The following HSPA12A variants were observed in gnomAD, a reference collection of about 807,000 sequenced individuals.
The protein encoded by HSPA12A is heat shock 70 kDa protein 12A.
In HSPA12A, 28 loss-of-function variants were observed where a neutral mutation model predicts 69.2. That is an observed-to-expected ratio of 0.40 (90% CI 0.30 to 0.55). The LOEUF is 0.55. Ranked by LOEUF, HSPA12A falls within the 20% of genes least tolerant of loss-of-function variation. HSPA12A has a pLI of 0.38. For synonymous variants in HSPA12A, 345 were observed against 370.5 expected, an observed-to-expected ratio of 0.93 and a Z score of 0.79; for missense variants, 686 against 900.7, an observed-to-expected ratio of 0.76 and a Z score of 3.05.
chr10:116,848,742 A>G (rs1845955958), intron 1 of HSPA12A, among the ~76,000 whole-genome samples: 1 of 152,158 alleles, frequency 6.6e-6, no homozygotes, highest in African/African-American at 2.4e-5. Flanking sequence ...AACGTGAGCC[A>G]AGGCCATTCC....
At chr10:116,716,121 C>G (rs570668175) in intron 1 of HSPA12A, among the ~76,000 whole-genome samples, 1 of 151,362 alleles carries the variant, frequency 6.6e-6, no homozygotes, top group Non-Finnish European at 1.5e-5. Flanking sequence ...ACTTTGTAGC[C>G]GCTCTGTGAA....
chr10:116,761,996 A>T (rs189122939), intron 2 of HSPA12A, among the ~76,000 whole-genome samples: 73 of 152,356 alleles, frequency 4.8e-4, no homozygotes, highest in Middle Eastern at 3.4e-3. Context: ...CTTTGAATGC[A>T]ACATTGTGCT....
intron 2 of HSPA12A, among the ~76,000 whole-genome samples, chr10:116,760,851 T>A (rs1417446686): frequency 6.6e-6 from 1 of 152,152 alleles, no homozygotes; most frequent in Middle Eastern, 3.2e-3. Flanking sequence ...TATTAAAGTA[T>A]AAGTGTAGGC....
At chr10:116,727,752 G>GCTT (rs370722813) in intron 1 of HSPA12A, among the ~76,000 whole-genome samples, 1 of 131,382 alleles carries the variant, frequency 7.6e-6, no homozygotes, top group Non-Finnish European at 1.6e-5. Flanking sequence ...ATGTAAGTGG[G>GCTT]TTTTTTTTTT....
At chr10:116,685,579 G>A (rs1306012825) in intron 6 of HSPA12A, among the ~76,000 whole-genome samples, 1 of 151,084 alleles carries the variant, frequency 6.6e-6, no homozygotes, top group African/African-American at 2.4e-5. Flanking sequence ...AGGTTGCAGT[G>A]AGCCGAGATG....
rs1554879561 is a variant in HSPA12A at position 116,686,693 on chromosome 10, G to A, written c.664-2731C>T. On this transcript the variant is annotated intron_variant, in intron 6 of 11. Transcript: ENST00000369209. This position sits in a 1 kb window ranked among gnomAD's most constrained non-coding sequence, Gnocchi z 4.1. ...GGCAGCAGGGACAGGGATGGGAAGG[G>A]AGAAAGGGTGGCATAAGCTCCGCCC... Among the ~76,000 whole-genome samples the A allele has an allele frequency of 6.6e-6, 1 of 152,078 alleles. No homozygotes were observed. Among genetic ancestry groups the A allele is most frequent in the East Asian group, 1.9e-4 (1 of 5,178 alleles).
chr10:116,811,369 T>C (rs913304360), intron 2 of HSPA12A, among the ~76,000 whole-genome samples: 4 of 152,148 alleles, frequency 2.6e-5, no homozygotes, highest in South Asian at 4.1e-4. Flanking sequence ...CTAAGATTCC[T>C]GGCCCCCAGG....
rs1849594079 is a variant in HSPA12A at position 116,686,981 on chromosome 10, A to T, written c.664-3019T>A. Among the ~76,000 whole-genome samples the T allele has an allele frequency of 6.6e-6, 1 of 152,166 alleles. No individual in the cohort carries two copies. The highest frequency in any genetic ancestry group is 1.5e-5 in the Non-Finnish European group (1 of 68,036). ...ACTCTGACTTAGATGGGAAATCTTT[A>T]TATGGAAATTCAGATCCAGCAGTCT... is the stretch of plus-strand genomic sequence containing the variant. On this transcript the variant is annotated intron_variant, in intron 6 of 11. Transcript: ENST00000369209. This position sits in a 1 kb window ranked among gnomAD's most constrained non-coding sequence, Gnocchi z 4.1.
chr10:116,756,316 C>T (rs913995371), intron 2 of HSPA12A, among the ~76,000 whole-genome samples: 4 of 152,232 alleles, frequency 2.6e-5, no homozygotes, highest in African/African-American at 2.4e-5. Context: ...TGCTCTTTCT[C>T]GAAAATGCAG....
intron 1 of HSPA12A, among the ~76,000 whole-genome samples, chr10:116,843,591 AG>A (rs531128925): frequency 1.3e-3 from 194 of 152,334 alleles, no homozygotes; most frequent in African/African-American, 4.2e-3. Context: ...TGGAAGAACC[AG>A]GGTTAGAACT....
intron 6 of HSPA12A, among the ~76,000 whole-genome samples, chr10:116,692,035 T>C (rs1488998571): frequency 2.0e-5 from 3 of 152,198 alleles, no homozygotes; most frequent in Non-Finnish European, 4.4e-5. Flanking sequence ...CACAGAGAAA[T>C]GTCTCTGAAC....
intron 8 of HSPA12A, 81 bp downstream of exon 8, chr10:116,681,710 G>A: frequency 7.7e-7 from 1 of 1,293,328 alleles, no homozygotes; most frequent in African/African-American, 1.5e-5. Flanking sequence ...TTCCAAAAGT[G>A]CAAAAGGGAC....
intron 2 of HSPA12A, among the ~76,000 whole-genome samples, chr10:116,805,284 C>G (rs1241263356): frequency 8.5e-5 from 13 of 152,146 alleles, no homozygotes; most frequent in Admixed American, 8.5e-4. Context: ...CCACTGCACT[C>G]CAGCCTGGGC....
intron 2 of HSPA12A, among the ~76,000 whole-genome samples, chr10:116,753,257 C>A (rs1331226400): frequency 6.6e-6 from 1 of 152,140 alleles, no homozygotes; most frequent in Non-Finnish European, 1.5e-5. Flanking sequence ...CCTGCGGGCT[C>A]AGACAGGCCT....
At chr10:116,762,443 T>C (rs1554889371) in intron 2 of HSPA12A, among the ~76,000 whole-genome samples, 1 of 152,112 alleles carries the variant, frequency 6.6e-6, no homozygotes, top group Non-Finnish European at 1.5e-5. Context: ...CAGGATGAAG[T>C]CACAATGGCC....
In HSPA12A at chr10:116,780,683, T is replaced by A. The variant is rs568453612; in HGVS notation, c.91+54252A>T. On this transcript the variant is annotated intron_variant, in intron 2 of 12. Transcript: ENST00000635765. ...TGTTAATACGATTATCAAATCCTTT[T>A]AAAAATTATGATGCGTGCTTCTTCA... Among the ~76,000 whole-genome samples, 102 of 152,322 alleles carry A rather than the reference T, an allele frequency of 6.7e-4. 2 individuals carry two copies. Among genetic ancestry groups the A allele is most frequent in the African/African-American group, 2.3e-3 (96 of 41,566 alleles).
chr10:116,758,453 G>C (rs1383004350), intron 2 of HSPA12A, among the ~76,000 whole-genome samples: 3 of 152,160 alleles, frequency 2.0e-5, no homozygotes, highest in African/African-American at 7.2e-5. Flanking sequence ...ACCCGGCCAG[G>C]AGGTGGCATG....
chr10:116,735,651 C>T (rs1851292571), intron 1 of HSPA12A, among the ~76,000 whole-genome samples: 1 of 152,096 alleles, frequency 6.6e-6, no homozygotes, highest in African/African-American at 2.4e-5. Flanking sequence ...ACAGGGAAGA[C>T]CACCAAAACA....
chr10:116,772,459 T>G (rs1479050893), intron 2 of HSPA12A, among the ~76,000 whole-genome samples: 53 of 152,236 alleles, frequency 3.5e-4, no homozygotes, highest in Admixed American at 3.4e-3. Flanking sequence ...AACTCAGAGC[T>G]CTGTCTCCAG....
Sources: gnomAD v4.1 joint callset for allele counts (sites outside exome capture counted in the v4.1 genomes callset) on GRCh38, gnomAD v4.1.1 for gene constraint, Gnocchi (gnomAD v3.1) non-coding constraint, MANE v1.5 for transcripts, NCBI Gene and HGNC (gene_info 2026-07-23, HGNC 2026-07-21) for gene names.